The following APBB2 variants were observed in gnomAD, a reference collection of about 807,000 sequenced individuals.
APBB2 encodes the protein Fe65-like 1.
In APBB2, 38 loss-of-function variants were observed where a neutral mutation model predicts 82.5. The observed-to-expected ratio is 0.46, with a 90% CI of 0.36 to 0.60. The LOEUF is 0.60. Among genes scored for constraint, APBB2 ranks in the 20% least tolerant of loss-of-function variants. The probability of loss-of-function intolerance (pLI) is 0.00; values close to 1 mark genes in which losing one functional copy is unlikely to be tolerated. For synonymous variants in APBB2, 341 were observed against 368.2 expected (o/e 0.93, Z 0.85); for missense variants, 772 against 972.3 (o/e 0.79, Z 2.74).
At chr4:41,053,245 A>T (rs1182999829) in intron 4 of APBB2, among the ~76,000 whole-genome samples, 5 of 152,162 alleles carry the variant, frequency 3.3e-5, no homozygotes, top group Non-Finnish European at 5.9e-5. Flanking sequence ...TATGACTTCT[A>T]GTTTTTTTCC....
intron 4 of APBB2, among the ~76,000 whole-genome samples, chr4:41,046,978 T>C (rs1252925746): frequency 6.6e-6 from 1 of 152,222 alleles, no homozygotes; most frequent in Non-Finnish European, 1.5e-5. Flanking sequence ...GAAAAACTCA[T>C]CATTCATTCC....
chr4:41,048,976 C>A (rs955288049), intron 4 of APBB2, among the ~76,000 whole-genome samples: 2 of 152,114 alleles, frequency 1.3e-5, no homozygotes, highest in African/African-American at 4.8e-5. Flanking sequence ...TCAATGTTAC[C>A]CAGGCTGGAG....
intron 2 of APBB2, among the ~76,000 whole-genome samples, chr4:41,114,360 A>G (rs1483394204): frequency 3.3e-5 from 5 of 152,244 alleles, no homozygotes; most frequent in African/African-American, 1.2e-4. Context: ...CCCACAGCCA[A>G]TATCATACTG....
chr4:40,973,999 G>A (rs967202535), intron 6 of APBB2, among the ~76,000 whole-genome samples: 1 of 151,832 alleles, frequency 6.6e-6, no homozygotes, highest in Non-Finnish European at 1.5e-5. Flanking sequence ...TTACAGGCAC[G>A]CGCCACCACA....
chr4:41,098,897 T>C (rs569228784), intron 3 of APBB2, among the ~76,000 whole-genome samples: 14 of 152,192 alleles, frequency 9.2e-5, no homozygotes, highest in Non-Finnish European at 1.8e-4. Context: ...GCCTCCAACA[T>C]AATCCTTTTT....
intron 3 of APBB2, among the ~76,000 whole-genome samples, chr4:41,071,463 C>T (rs887878622): frequency 1.6e-4 from 24 of 152,112 alleles, no homozygotes; most frequent in African/African-American, 5.3e-4. Context: ...GGCAGATTAC[C>T]TGAGGTCAGG....
At chr4:40,841,293 T>A in intron 12 of APBB2, among the ~76,000 whole-genome samples, 1 of 152,204 alleles carries the variant, frequency 6.6e-6, no homozygotes, top group East Asian at 1.9e-4. Flanking sequence ...AGATCTGCCT[T>A]CGTGTCTCTC....
chr4:41,158,534 T>C (rs1395123310), intron 1 of APBB2, among the ~76,000 whole-genome samples: 1 of 152,168 alleles, frequency 6.6e-6, no homozygotes, highest in Admixed American at 6.5e-5. Context: ...AATGTGTATT[T>C]TGACAAAGCA....
At position 41,106,768 on chromosome 4, in the gene APBB2, G is replaced by A. The variant is rs970567242; in HGVS notation, c.-260-6018C>T. Among the ~76,000 whole-genome samples, 5 of 152,286 alleles carry A rather than the reference G, an allele frequency of 3.3e-5. No homozygotes were observed. In the South Asian group the frequency reaches 1.0e-3, roughly 32 times the overall value. On this transcript the variant is annotated intron_variant, in intron 2 of 17. Transcript: ENST00000508593. ...TGGGATTACAGGAGTGAGCCACCGTGCCTGGCCTAGATTAGGTACATTTTT... is the reference window on the plus strand; with the variant it reads ...TGGGATTACAGGAGTGAGCCACCGTACCTGGCCTAGATTAGGTACATTTTT...
At chr4:41,052,350 C>T (rs953321025) in intron 4 of APBB2, among the ~76,000 whole-genome samples, 23 of 152,118 alleles carry the variant, frequency 1.5e-4, no homozygotes, top group Admixed American at 6.5e-5. Flanking sequence ...GGACATAAGC[C>T]GTTCTTCTCC....
chr4:41,181,318 G>A (rs186412857), intron 1 of APBB2, among the ~76,000 whole-genome samples: 1 of 152,216 alleles, frequency 6.6e-6, no homozygotes, highest in Non-Finnish European at 1.5e-5. Context: ...TGGGTCTTCC[G>A]CTCCCTTACC....
At chr4:41,141,064 C>T (rs1758983132) in intron 2 of APBB2, among the ~76,000 whole-genome samples, 1 of 152,164 alleles carries the variant, frequency 6.6e-6, no homozygotes, top group Non-Finnish European at 1.5e-5. Flanking sequence ...AACTGTCTTC[C>T]ACAAAACTAG....
At position 41,071,078 on chromosome 4, in the gene APBB2, T is replaced by C. The variant is rs527986931; in HGVS notation, c.-148-5405A>G. On this transcript the variant is annotated intron_variant, in intron 3 of 17. Transcript: ENST00000508593. Reference sequence around the variant, plus strand: ...TTACTATGCTGATGTGGGGCAAAAATGCCAAGAATTCTCTCCAAAGTAAAC... The same window carrying C: ...TTACTATGCTGATGTGGGGCAAAAACGCCAAGAATTCTCTCCAAAGTAAAC... Among the ~76,000 whole-genome samples, 30 of 152,312 alleles carry C rather than the reference T, an allele frequency of 2.0e-4. 1 individual carries two copies. The East Asian group carries it at 4.8e-3, about 24-fold the overall frequency.
Position 40,934,182 on chromosome 4 carries a change from C to T in APBB2, c.1254+274G>A, listed in dbSNP as rs74788804. ...TATCTTTAAAGACTTCTAAAGCCCA[C>T]CCATTTGAACAATAATGGTAATTTA... is the stretch of plus-strand genomic sequence containing the variant. On this transcript the variant is annotated intron_variant, in intron 10 of 17. Transcript: ENST00000508593. 3.7e-3 allele frequency among the ~76,000 whole-genome samples: 562 copies of T among 152,252 alleles called. 1 individual carries two copies. Among genetic ancestry groups the T allele is most frequent in the African/African-American group, 0.013 (537 of 41,546 alleles).
At chr4:40,885,699 TTAA>T (rs1255788540) in intron 12 of APBB2, among the ~76,000 whole-genome samples, 1 of 152,240 alleles carries the variant, frequency 6.6e-6, no homozygotes, top group Non-Finnish European at 1.5e-5. Flanking sequence ...CCAATTTTTC[TTAA>T]TAATCAAAAA....
chr4:40,888,559 C>T (rs1339801250), intron 12 of APBB2, among the ~76,000 whole-genome samples: 2 of 151,716 alleles, frequency 1.3e-5, no homozygotes, highest in African/African-American at 4.8e-5. Flanking sequence ...GCCCCTGTCT[C>T]GCACACGTAT....
At chr4:40,982,046 G>C (rs1055388976) in intron 6 of APBB2, among the ~76,000 whole-genome samples, 1 of 151,202 alleles carries the variant, frequency 6.6e-6, no homozygotes, top group South Asian at 2.1e-4. Flanking sequence ...TTAGTTGGGC[G>C]TGGTAGCACA....
chr4:41,205,136 A>C (rs1168236654), intron 1 of APBB2, among the ~76,000 whole-genome samples: 1 of 152,226 alleles, frequency 6.6e-6, no homozygotes, highest in Non-Finnish European at 1.5e-5. Context: ...GAAACATTTC[A>C]AATCCTGCTG....
intron 6 of APBB2, among the ~76,000 whole-genome samples, chr4:40,982,387 G>GAAGGAAGGAAGGGAAAGGA (rs1560448982): frequency 9.1e-5 from 1 of 11,008 alleles, no homozygotes; most frequent in African/African-American, 2.6e-4. Context: ...AGGAAGGAAG[G>GAAGGAAGGAAGGGAAAGGA]AAGGAAAGGA....
Sources: gnomAD v4.1 joint callset for allele counts (sites outside exome capture counted in the v4.1 genomes callset) on GRCh38, gnomAD v4.1.1 for gene constraint, MANE v1.5 for transcripts, NCBI Gene and HGNC (gene_info 2026-07-23, HGNC 2026-07-21) for gene names.